The following SUCLG2 variants were observed in gnomAD, a reference collection of about 807,000 sequenced individuals.
SUCLG2 encodes the protein succinate--CoA ligase [GDP-forming] subunit beta, mitochondrial.
SUCLG2 carries 42 observed loss-of-function variants against 47.9 expected under a neutral mutation model. That is an observed-to-expected ratio of 0.88 (90% confidence interval 0.69 to 1.14). The LOEUF (loss-of-function observed/expected upper bound fraction) is 1.14, where lower values mean the gene tolerates loss of function less well. SUCLG2 is among the 50% of genes most tolerant of loss of function. SUCLG2 has a pLI of 0.00. For missense variants in SUCLG2, 571 were observed against 525.9 expected, an observed-to-expected ratio of 1.09 and a Z score of -0.84; for synonymous variants, 195 against 197.3, an observed-to-expected ratio of 0.99 and a Z score of 0.10.
intron 2 of SUCLG2, among the ~76,000 whole-genome samples, chr3:67,531,042 G>A (rs1196535775): frequency 6.6e-6 from 1 of 152,198 alleles, no homozygotes; most frequent in African/African-American, 2.4e-5. Context: ...AAAGTAGCAT[G>A]CCCTTCTGTA....
intron 2 of SUCLG2, among the ~76,000 whole-genome samples, chr3:67,541,511 C>G (rs1386844540): frequency 1.3e-5 from 2 of 152,108 alleles, no homozygotes; most frequent in African/African-American, 4.8e-5. Context: ...AAATATGGGA[C>G]TACGTAAAAA....
intron 9 of SUCLG2, among the ~76,000 whole-genome samples, chr3:67,405,096 G>C (rs1391067028): frequency 6.6e-6 from 1 of 151,838 alleles, no homozygotes; most frequent in East Asian, 1.9e-4. Flanking sequence ...GAATTATGAG[G>C]GTTGCTATTT....
chr3:67,513,965 C>T (rs372436316), intron 6 of SUCLG2: 9 of 214,282 alleles, frequency 4.2e-5, no homozygotes, highest in South Asian at 2.9e-4. Flanking sequence ...TATACTCCAT[C>T]GCGCCTGGCC....
intron 10 of SUCLG2, among the ~76,000 whole-genome samples, chr3:67,396,772 A>C (rs1702540852): frequency 6.6e-6 from 1 of 152,256 alleles, no homozygotes; most frequent in Non-Finnish European, 1.5e-5. Flanking sequence ...AAAAATCCTC[A>C]ATAAAATACT....
chr3:67,634,791 A>C (rs1421969833), intron 1 of SUCLG2, among the ~76,000 whole-genome samples: 1 of 152,186 alleles, frequency 6.6e-6, no homozygotes, highest in African/African-American at 2.4e-5. Flanking sequence ...TATCTTCCTC[A>C]GGAATCTGCT....
chr3:67,419,026 C>A (rs962124374), intron 9 of SUCLG2, among the ~76,000 whole-genome samples: 3 of 151,934 alleles, frequency 2.0e-5, no homozygotes, highest in African/African-American at 4.8e-5. Context: ...GATCAGAATA[C>A]AATGGTATGA....
chr3:67,447,943 G>A (rs1217669226), intron 9 of SUCLG2, among the ~76,000 whole-genome samples: 1 of 152,138 alleles, frequency 6.6e-6, no homozygotes. Context: ...TGGCCAGGCT[G>A]GTCTCAAACT....
intron 1 of SUCLG2, among the ~76,000 whole-genome samples, chr3:67,626,547 A>T (rs1010265217): frequency 2.0e-5 from 3 of 152,176 alleles, no homozygotes; most frequent in Non-Finnish European, 4.4e-5. Flanking sequence ...GACCAACATC[A>T]TGAAAGAGAA....
At chr3:67,546,302 T>A (rs530497141) in intron 2 of SUCLG2, among the ~76,000 whole-genome samples, 1 of 152,306 alleles carries the variant, frequency 6.6e-6, no homozygotes, top group African/African-American at 2.4e-5. Flanking sequence ...AAAACTGAAA[T>A]AAAATTTGGC....
chr3:67,561,367 G>C (rs1707303714), intron 2 of SUCLG2, among the ~76,000 whole-genome samples: 1 of 151,928 alleles, frequency 6.6e-6, no homozygotes, highest in Non-Finnish European at 1.5e-5. Flanking sequence ...TTGCTTTCTT[G>C]CATTAAAAAC....
chr3:67,587,678 G>GA (rs762611299), intron 2 of SUCLG2, among the ~76,000 whole-genome samples: 6 of 151,600 alleles, frequency 4.0e-5, no homozygotes, highest in Non-Finnish European at 5.9e-5. Context: ...TGTACTGAAA[G>GA]AAAAAAAATA....
chr3:67,474,083 C>T (rs978264922), intron 9 of SUCLG2, among the ~76,000 whole-genome samples: 17 of 151,982 alleles, frequency 1.1e-4, no homozygotes, highest in African/African-American at 4.1e-4. Flanking sequence ...CGGTGAAACC[C>T]GTCTTTACTA....
intron 10 of SUCLG2, 161 bp from the exon 11 acceptor site, chr3:67,376,020 G>C (rs1702029127): frequency 3.0e-6 from 3 of 985,336 alleles, no homozygotes; most frequent in Non-Finnish European, 3.6e-6. Context: ...ATTATGTGAT[G>C]AAATTTATCT....
chr3:67,638,383 C>G (rs1701042298), intron 1 of SUCLG2, among the ~76,000 whole-genome samples: 1 of 152,172 alleles, frequency 6.6e-6, no homozygotes, highest in African/African-American at 2.4e-5. Context: ...TGATATACAT[C>G]AACACATTTC....
intron 7 of SUCLG2, among the ~76,000 whole-genome samples, chr3:67,506,434 CTT>C (rs1307238391): frequency 6.6e-6 from 1 of 152,036 alleles, no homozygotes; most frequent in African/African-American, 2.4e-5. Flanking sequence ...TCACATAAGA[CTT>C]ATGTTTTAAT....
At chr3:67,584,458 A>G (rs1475436898) in intron 2 of SUCLG2, among the ~76,000 whole-genome samples, 1 of 152,230 alleles carries the variant, frequency 6.6e-6, no homozygotes, top group Non-Finnish European at 1.5e-5. Flanking sequence ...GACTACAGTG[A>G]TGGTTATATA....
chr3:67,499,800 C>G (rs7641854), intron 7 of SUCLG2, among the ~76,000 whole-genome samples: 1 of 151,980 alleles, frequency 6.6e-6, no homozygotes, highest in Non-Finnish European at 1.5e-5. Flanking sequence ...GGCGCAATCT[C>G]GGCTCACTAT....
At chr3:67,458,409 G>T (rs534134300) in intron 9 of SUCLG2, among the ~76,000 whole-genome samples, 20 of 152,218 alleles carry the variant, frequency 1.3e-4, no homozygotes, top group African/African-American at 4.6e-4. Context: ...AATAAGTCGA[G>T]GGGGTAGGGC....
At chr3:67,440,572 A>G (rs1575697201) in intron 9 of SUCLG2, among the ~76,000 whole-genome samples, 1 of 152,248 alleles carries the variant, frequency 6.6e-6, no homozygotes. Context: ...GGTGAAGGAT[A>G]TGAACAGACA....
Sources: allele counts gnomAD v4.1 joint callset (sites outside exome capture counted in the v4.1 genomes callset), GRCh38; gene constraint gnomAD v4.1.1; transcripts MANE v1.5; gene names NCBI Gene and HGNC (gene_info 2026-07-23, HGNC 2026-07-21).